The following STN1 variants were observed in gnomAD, a reference collection of about 807,000 sequenced individuals.
STN1 encodes the protein STN1 subunit of CST complex, also known as CST complex subunit STN1.
In STN1, 29 loss-of-function variants were observed where a neutral mutation model predicts 45.5. That is an observed-to-expected ratio of 0.64 (90% CI 0.47 to 0.87). The LOEUF (loss-of-function observed/expected upper bound fraction) is 0.87. Ranked by LOEUF, STN1 falls within the 40% of genes least tolerant of loss-of-function variation. The probability of loss-of-function intolerance (pLI) is 0.00; values close to 1 mark genes in which losing one functional copy is unlikely to be tolerated. For synonymous variants in STN1, 148 were observed against 159.0 expected, an observed-to-expected ratio of 0.93 and a Z score of 0.52; for missense variants, 376 against 441.4, an observed-to-expected ratio of 0.85 and a Z score of 1.33.
intron 9 of STN1, among the ~76,000 whole-genome samples, chr10:103,887,203 G>T (rs1225207897): frequency 6.6e-6 from 1 of 152,172 alleles, no homozygotes; most frequent in Non-Finnish European, 1.5e-5. Context: ...AAAAGACGTA[G>T]GCACTTTCAT....
At chr10:103,882,906 T>C (rs575913217) in intron 9 of STN1, 65 bp from the exon 10 acceptor site, 3 of 1,489,924 alleles carry the variant, frequency 2.0e-6, no homozygotes, top group East Asian at 4.6e-5. Context: ...GTCCTCTCCA[T>C]ACCTGACTTG....
intron 3 of STN1, among the ~76,000 whole-genome samples, chr10:103,907,830 A>G (rs1843252228): frequency 6.6e-6 from 1 of 151,966 alleles, no homozygotes; most frequent in African/African-American, 2.4e-5. Context: ...AGAAAGTTAA[A>G]AAAAAAAAAA....
rs1185539733 is a variant in STN1, at chr10:103,880,985, A to C, written c.*1699T>G. The stretch of plus-strand genomic sequence containing the variant: ...TATACATACACACAGGGAGCTGTAG[A>C]TAATGGTGTTATACTATAGAAACAG... On this transcript the variant is annotated 3_prime_UTR_variant, in exon 10 of 10. Transcript: ENST00000224950. Among the ~76,000 whole-genome samples, 1 of 152,236 alleles carries C rather than the reference A, an allele frequency of 6.6e-6. No homozygotes were observed. Among genetic ancestry groups the C allele is most frequent in the Non-Finnish European group, 1.5e-5 (1 of 68,040 alleles).
chr10:103,883,490 G>T (rs1173295188), intron 9 of STN1, among the ~76,000 whole-genome samples: 2 of 151,980 alleles, frequency 1.3e-5, no homozygotes, highest in Non-Finnish European at 1.5e-5. Flanking sequence ...TTAAACGTTG[G>T]TAATGAGAAA....
intron 7 of STN1, among the ~76,000 whole-genome samples, chr10:103,896,686 AG>A (rs1191207910): frequency 2.0e-5 from 3 of 151,786 alleles, no homozygotes; most frequent in East Asian, 2.0e-4. Flanking sequence ...GGTCACCCAG[AG>A]TGAGACCCTG....
intron 4 of STN1, among the ~76,000 whole-genome samples, chr10:103,901,307 G>T (rs1843208910): frequency 6.6e-6 from 1 of 152,164 alleles, no homozygotes; most frequent in South Asian, 2.1e-4. Context: ...GGCTGGAATT[G>T]AACTCCTGGC....
rs775482915 is a variant in STN1 at position 103,897,510 on chromosome 10, A to G, written c.753+38T>C. 6 of 1,587,036 alleles carry G rather than the reference A, an allele frequency of 3.8e-6. No homozygotes were observed. The African/African-American group carries it at 4.0e-5, about 11-fold the overall frequency. On this transcript the variant is annotated intron_variant, in intron 7 of 9. Transcript: ENST00000224950. ...ACACCTGCAGTTGCAGATCTGGGGC[A>G]GGGAACCAGAATTCTCACATGGGCA... is the stretch of plus-strand genomic sequence containing the variant.
At chr10:103,893,457 C>G (rs866374402) in intron 7 of STN1, among the ~76,000 whole-genome samples, 6 of 152,160 alleles carry the variant, frequency 3.9e-5, no homozygotes, top group Admixed American at 1.3e-4. Flanking sequence ...TGTGAGCCAC[C>G]GTGCCCAGCC....
chr10:103,883,509 A>G (rs905639924), intron 9 of STN1, among the ~76,000 whole-genome samples: 2 of 152,096 alleles, frequency 1.3e-5, no homozygotes, highest in Non-Finnish European at 2.9e-5. Flanking sequence ...AAATGAAATA[A>G]CTTTTATCTG....
chr10:103,914,349 TATATATATATATA>T (rs1843310977), intron 2 of STN1, among the ~76,000 whole-genome samples: 2 of 17,426 alleles, frequency 1.1e-4, no homozygotes, highest in African/African-American at 2.3e-4. Flanking sequence ...TATATATATA[TATATATATATATA>T]TATATATATA....
chr10:103,914,375 T>TA (rs1191667182), intron 2 of STN1, among the ~76,000 whole-genome samples: 65 of 20,460 alleles, frequency 3.2e-3, no homozygotes, highest in African/African-American at 8.7e-3. Context: ...TATATATATA[T>TA]TTTTTTTTTT....
intron 2 of STN1, among the ~76,000 whole-genome samples, chr10:103,911,368 C>G (rs898609885): frequency 3.3e-5 from 5 of 151,974 alleles, no homozygotes; most frequent in Non-Finnish European, 7.4e-5. Flanking sequence ...TTCTGCCTGT[C>G]CCCCAATAAC....
At chr10:103,916,045 A>G (rs1843328749) in intron 2 of STN1, among the ~76,000 whole-genome samples, 1 of 152,190 alleles carries the variant, frequency 6.6e-6, no homozygotes, top group Non-Finnish European at 1.5e-5. Context: ...ATGGCCATGT[A>G]CCAGTAGTGG....
At chr10:103,886,281 G>A (rs1005745591) in intron 9 of STN1, among the ~76,000 whole-genome samples, 5 of 152,116 alleles carry the variant, frequency 3.3e-5, no homozygotes, top group Non-Finnish European at 7.3e-5. Context: ...AATTTTCTTC[G>A]GTGTGAAATG....
At position 103,884,710 on chromosome 10, in the gene STN1, G is replaced by A. The variant is rs553256957; in HGVS notation, c.950-1869C>T. On this transcript the variant is annotated intron_variant, in intron 9 of 9. Coordinates refer to ENST00000224950, the MANE Select transcript of STN1 (RefSeq NM_024928.5). ...GGTATTGCGGTGTGAGGCAAAGCAC[G>A]GTTCAAGGTTTGGTGCACTTCTGTA... 1.1e-4 allele frequency among the ~76,000 whole-genome samples: 17 copies of A among 152,288 alleles called. No individual in the cohort carries two copies. The South Asian group carries it at 3.1e-3, about 28-fold the overall frequency.
In STN1 at chr10:103,877,919, C is replaced by T. The variant is rs56283972; in HGVS notation, c.*4765G>A. On this transcript the variant is annotated 3_prime_UTR_variant, in exon 10 of 10. Transcript: ENST00000224950. ...ATGAGACGCTTCTTTGGGGCAACTG[C>T]TGTAGAGGCCACTAATGAGAAAGTG... 6.6e-6 allele frequency: 1 copy of T among 152,252 alleles called. No homozygotes were observed. The highest frequency in any genetic ancestry group is 1.5e-5 in the Non-Finnish European group (1 of 68,046). 9.4% of individuals were successfully genotyped at this position (152,252 alleles called of 1,614,324 possible). A position where few individuals can be genotyped will look rare whatever the true frequency, so the allele number is the denominator to read the frequency against.
At chr10:103,894,527 T>C (rs1843158761) in intron 7 of STN1, among the ~76,000 whole-genome samples, 1 of 152,180 alleles carries the variant, frequency 6.6e-6, no homozygotes, top group East Asian at 1.9e-4. Flanking sequence ...CCCTGGGACA[T>C]ATTTCCCTGG....
chr10:103,892,112 A>G lies in STN1; in HGVS notation c.876+18T>C. On this transcript the variant is annotated intron_variant, in intron 8 of 9. Coordinates refer to ENST00000224950, the MANE Select transcript of STN1 (RefSeq NM_024928.5). ...ATTGAAGCTACAAAGAAAAAAAGTT[A>G]AGTTGCAAGTGTCTTACATAGTATA... 6.4e-7 allele frequency: 1 copy of G among 1,563,768 alleles called. No homozygotes were observed. The highest frequency in any genetic ancestry group is 8.6e-7 in the Non-Finnish European group (1 of 1,163,094).
intron 7 of STN1, among the ~76,000 whole-genome samples, chr10:103,893,426 T>C (rs1843153200): frequency 6.6e-6 from 1 of 152,074 alleles, no homozygotes; most frequent in Admixed American, 6.5e-5. Flanking sequence ...CCTCGGCCTC[T>C]CAAAGTGCTG....
Sources: gnomAD v4.1 joint callset for allele counts (sites outside exome capture counted in the v4.1 genomes callset) on GRCh38, gnomAD v4.1.1 for gene constraint, MANE v1.5 for transcripts, NCBI Gene and HGNC (gene_info 2026-07-23, HGNC 2026-07-21) for gene names.